Variants in ADAMTSL1 observed in about 807,000 individuals in gnomAD.
The protein encoded by ADAMTSL1 is ADAMTS like 1.
In ADAMTSL1, 126 loss-of-function variants were observed where a neutral mutation model predicts 201.8. The observed-to-expected ratio is 0.62, with a 90% CI of 0.54 to 0.72. ADAMTSL1 has a LOEUF of 0.72. Among genes scored for constraint, ADAMTSL1 ranks in the 30% least tolerant of loss-of-function variants. ADAMTSL1 has a pLI of 0.00. For missense variants in ADAMTSL1, 2,679 were observed against 2,277.8 expected (o/e 1.18, Z -3.59); for synonymous variants, 1,121 against 903.4 (o/e 1.24, Z -4.32).
intron 3 of ADAMTSL1, among the ~76,000 whole-genome samples, chr9:18,567,096 C>T (rs538929625): frequency 9.5e-4 from 144 of 152,108 alleles, no homozygotes; most frequent in Non-Finnish European, 1.5e-3. Flanking sequence ...AGGGTGGGGC[C>T]CCAACAATCC....
At chr9:18,138,989 G>A (rs1396753881) in intron 1 of ADAMTSL1, among the ~76,000 whole-genome samples, 1 of 152,084 alleles carries the variant, frequency 6.6e-6, no homozygotes, top group South Asian at 2.1e-4. Context: ...GATTTTACTT[G>A]TGTCTGCCAC....
intron 2 of ADAMTSL1, among the ~76,000 whole-genome samples, chr9:18,301,372 G>C (rs1833704863): frequency 6.6e-6 from 1 of 152,138 alleles, no homozygotes; most frequent in Non-Finnish European, 1.5e-5. Context: ...GGAGATTGCG[G>C]TACAGTAGTT....
chr9:18,438,759 C>A (rs1819864118), intron 2 of ADAMTSL1, among the ~76,000 whole-genome samples: 1 of 152,168 alleles, frequency 6.6e-6, no homozygotes, highest in Non-Finnish European at 1.5e-5. Flanking sequence ...CTTACCCAAA[C>A]AGACGAGCCG....
intron 2 of ADAMTSL1, among the ~76,000 whole-genome samples, chr9:18,208,373 G>A (rs991845675): frequency 6.6e-6 from 1 of 152,122 alleles, no homozygotes; most frequent in South Asian, 2.1e-4. Flanking sequence ...TTCCTGAGGC[G>A]AGTCTGGGCA....
chr9:18,792,666 A>G (rs1032710457), intron 19 of ADAMTSL1, among the ~76,000 whole-genome samples: 4 of 152,228 alleles, frequency 2.6e-5, no homozygotes, highest in African/African-American at 9.6e-5. Flanking sequence ...GAAAGCATAA[A>G]TATTCCTGGG....
chr9:18,599,056 C>T (rs570660352), intron 4 of ADAMTSL1, among the ~76,000 whole-genome samples: 1 of 152,238 alleles, frequency 6.6e-6, no homozygotes, highest in East Asian at 1.9e-4. Flanking sequence ...TGACTGTCAA[C>T]TTCTGAGGCA....
At chr9:18,791,626 T>C (rs970167989) in intron 19 of ADAMTSL1, among the ~76,000 whole-genome samples, 1 of 152,208 alleles carries the variant, frequency 6.6e-6, no homozygotes, top group Non-Finnish European at 1.5e-5. Flanking sequence ...ATTTTATAAA[T>C]ATAAGTGACT....
intron 1 of ADAMTSL1, among the ~76,000 whole-genome samples, chr9:17,972,594 T>C (rs1455941630): frequency 6.6e-6 from 1 of 151,936 alleles, no homozygotes; most frequent in Non-Finnish European, 1.5e-5. Flanking sequence ...TCCAAGTCTT[T>C]GCTGTTGTGA....
At chr9:18,833,626 T>G (rs1168947915) in intron 23 of ADAMTSL1, among the ~76,000 whole-genome samples, 1 of 151,642 alleles carries the variant, frequency 6.6e-6, no homozygotes, top group Non-Finnish European at 1.5e-5. Context: ...TTGCAAAAAT[T>G]TTCTCCCATT....
intron 2 of ADAMTSL1, among the ~76,000 whole-genome samples, chr9:18,298,673 T>TA (rs11387134): frequency 0.19 from 25,812 of 138,598 alleles, 2,630 homozygotes; most frequent in African/African-American, 0.3. Context: ...TTTAACAAGT[T>TA]AAAAAAAAAA....
At chr9:18,286,597 CAGCAG>C (rs1369813759) in intron 2 of ADAMTSL1, among the ~76,000 whole-genome samples, 12 of 54,876 alleles carry the variant, frequency 2.2e-4, no homozygotes, top group Non-Finnish European at 3.0e-4. Context: ...CATTTTAATG[CAGCAG>C]TCCAGAAATA....
chr9:18,708,607 C>T (rs894348884), intron 14 of ADAMTSL1, among the ~76,000 whole-genome samples: 3 of 152,178 alleles, frequency 2.0e-5, no homozygotes, highest in Non-Finnish European at 2.9e-5. Flanking sequence ...TGTTAGCCAG[C>T]GGCTACAGTT....
intron 2 of ADAMTSL1, among the ~76,000 whole-genome samples, chr9:18,258,273 A>C (rs1235053839): frequency 6.6e-6 from 1 of 152,246 alleles, no homozygotes; most frequent in Non-Finnish European, 1.5e-5. Flanking sequence ...CAAGATGCGT[A>C]CGCAAGAAAA....
chr9:18,026,759 G>A (rs1820714379), intron 1 of ADAMTSL1, among the ~76,000 whole-genome samples: 1 of 151,994 alleles, frequency 6.6e-6, no homozygotes, highest in African/African-American at 2.4e-5. Context: ...TCAATTTTTG[G>A]GAATAGTTTC....
intron 2 of ADAMTSL1, among the ~76,000 whole-genome samples, chr9:18,175,294 G>A (rs1158505355): frequency 2.6e-5 from 4 of 152,166 alleles, no homozygotes. Flanking sequence ...AATTCTTAGA[G>A]TTCTTCCTAG....
intron 4 of ADAMTSL1, among the ~76,000 whole-genome samples, chr9:18,596,444 A>T (rs1436864945): frequency 6.6e-6 from 1 of 152,170 alleles, no homozygotes. Flanking sequence ...AGAGGTAACA[A>T]TATCTAATTT....
chr9:18,275,576 G>T (rs971073360), intron 2 of ADAMTSL1, among the ~76,000 whole-genome samples: 4 of 151,950 alleles, frequency 2.6e-5, no homozygotes, highest in Non-Finnish European at 4.4e-5. Flanking sequence ...CTACAGATCT[G>T]CCTTTTCTAG....
chr9:18,558,144 T>C (rs1225311841), intron 3 of ADAMTSL1, among the ~76,000 whole-genome samples: 1 of 152,298 alleles, frequency 6.6e-6, no homozygotes, highest in Non-Finnish European at 1.5e-5. Context: ...TTTCTCCTAA[T>C]GCTATCCCTC....
intron 1 of ADAMTSL1, among the ~76,000 whole-genome samples, chr9:17,986,732 A>G (rs1818943321): frequency 6.6e-6 from 1 of 152,114 alleles, no homozygotes; most frequent in African/African-American, 2.4e-5. Context: ...TTGCAGCACA[A>G]TAACTTATTT....
Sources: allele counts gnomAD v4.1 joint callset (sites outside exome capture counted in the v4.1 genomes callset), GRCh38; gene constraint gnomAD v4.1.1; transcripts MANE v1.5; gene names NCBI Gene and HGNC (gene_info 2026-07-23, HGNC 2026-07-21).